The following IRGM variants were observed in gnomAD, a reference collection of about 807,000 sequenced individuals.
IRGM encodes the protein immunity related GTPase M.
For synonymous variants in IRGM, 98 were observed against 80.6 expected (o/e 1.22, Z -1.16); for missense variants, 288 against 219.9 (o/e 1.31, Z -1.96).
chr5:150,851,686 CA>C (rs1171994845), downstream of IRGM, among the ~76,000 whole-genome samples: 1 of 152,196 alleles, frequency 6.6e-6, no homozygotes, highest in Admixed American at 6.5e-5. Context: ...CGTGTCTTCA[CA>C]AAAGGGAAAG....
At chr5:150,853,269 A>G (rs1239405528), downstream of IRGM, among the ~76,000 whole-genome samples, 1 of 152,076 alleles carries the variant, frequency 6.6e-6, no homozygotes, top group South Asian at 2.1e-4. Flanking sequence ...TTTCAGTTTT[A>G]TTGCATAGTA....
At chr5:150,896,204 T>A in intron 3 of IRGM, 1 of 1,613,648 alleles carries the variant, frequency 6.2e-7, no homozygotes, top group Non-Finnish European at 8.5e-7. Flanking sequence ...CAGTGTGAAC[T>A]CTCTGATGTA....
intron 3 of IRGM, chr5:150,895,410 C>A: frequency 6.4e-7 from 1 of 1,561,582 alleles, no homozygotes; most frequent in South Asian, 1.2e-5. Context: ...TAAGGCTTTT[C>A]TGTGGCCAGT....
At chr5:150,874,215 T>G (rs1043650984) in intron 1 of IRGM, among the ~76,000 whole-genome samples, 1 of 152,208 alleles carries the variant, frequency 6.6e-6, no homozygotes, top group Non-Finnish European at 1.5e-5. Flanking sequence ...TCTCCAGCTT[T>G]GTGTCATAAT....
In IRGM at chr5:150,860,174, C is replaced by T. The variant is rs905083464; in HGVS notation, c.158+11520C>T. On this transcript the variant is annotated intron_variant and NMD_transcript_variant, in intron 1 of 3. Transcript: ENST00000520549. ...GTAAATTTATACAATGGCAATTTAACGTCTCCTATAACATTTTTGTACCTT... is the reference window on the plus strand; with the variant it reads ...GTAAATTTATACAATGGCAATTTAATGTCTCCTATAACATTTTTGTACCTT... Among the ~76,000 whole-genome samples, 13 of 152,150 alleles carry T rather than the reference C, an allele frequency of 8.5e-5. 1 individual carries two copies. The highest frequency in any genetic ancestry group is 4.6e-4 in the Admixed American group (7 of 15,284).
chr5:150,867,744 T>C (rs1754227748), intron 1 of IRGM, among the ~76,000 whole-genome samples: 2 of 152,156 alleles, frequency 1.3e-5, no homozygotes, highest in South Asian at 2.1e-4. Flanking sequence ...ATGTTGAGCA[T>C]TTTTTAATGT....
intron 1 of IRGM, among the ~76,000 whole-genome samples, chr5:150,877,451 G>C (rs1754380992): frequency 6.6e-6 from 1 of 152,160 alleles, no homozygotes; most frequent in Non-Finnish European, 1.5e-5. Flanking sequence ...AAGTTCTTCA[G>C]CTTTGGTATT....
intron 3 of IRGM, among the ~76,000 whole-genome samples, chr5:150,893,139 T>C (rs994618776): frequency 1.3e-5 from 2 of 152,118 alleles, no homozygotes; most frequent in Admixed American, 6.6e-5. Flanking sequence ...ATGCAGTAAA[T>C]TTGTTTTTTC....
intron 3 of IRGM, among the ~76,000 whole-genome samples, chr5:150,890,842 C>T (rs1754598321): frequency 6.6e-6 from 1 of 151,966 alleles, no homozygotes; most frequent in Non-Finnish European, 1.5e-5. Context: ...AATGAGTCAC[C>T]TTACCTTTTA....
chr5:150,883,804 A>T (rs1754478554), intron 3 of IRGM, among the ~76,000 whole-genome samples: 1 of 152,030 alleles, frequency 6.6e-6, no homozygotes, highest in African/African-American at 2.4e-5. Flanking sequence ...TAAATTCTAC[A>T]AAGTATGTAA....
chr5:150,854,488 G>A (rs1288895568), intron 1 of IRGM, among the ~76,000 whole-genome samples: 1 of 152,088 alleles, frequency 6.6e-6, no homozygotes, highest in Non-Finnish European at 1.5e-5. Flanking sequence ...TGATTATAGT[G>A]GAGGACTAGT....
At chr5:150,893,564 G>A (rs1754653756) in intron 3 of IRGM, among the ~76,000 whole-genome samples, 1 of 152,012 alleles carries the variant, frequency 6.6e-6, no homozygotes, top group Non-Finnish European at 1.5e-5. Context: ...ACACTGTCAG[G>A]GCAACCATAG....
At chr5:150,888,474 A>G (rs1754557931) in intron 3 of IRGM, among the ~76,000 whole-genome samples, 1 of 152,116 alleles carries the variant, frequency 6.6e-6, no homozygotes, top group Non-Finnish European at 1.5e-5. Flanking sequence ...ATGGATCTAT[A>G]GAACTCTCCA....
chr5:150,901,698 T>C (rs924921867), downstream of IRGM, among the ~76,000 whole-genome samples: 4 of 152,090 alleles, frequency 2.6e-5, no homozygotes, highest in Non-Finnish European at 5.9e-5. Context: ...GCCCCAGTTA[T>C]GGTTTTAAGC....
intron 3 of IRGM, chr5:150,900,505 T>G (rs1561758214): frequency 6.6e-6 from 1 of 152,122 alleles, no homozygotes; most frequent in Non-Finnish European, 1.5e-5. Context: ...ACAGAACTTT[T>G]ATGTGTTAAT....
chr5:150,898,796 G>A (rs1340014348), intron 3 of IRGM, among the ~76,000 whole-genome samples: 1 of 151,980 alleles, frequency 6.6e-6, no homozygotes, highest in Non-Finnish European at 1.5e-5. Context: ...TAACTGGGAG[G>A]AAGATGGATT....
At chr5:150,882,349 A>T (rs1400806210) in intron 3 of IRGM, among the ~76,000 whole-genome samples, 1 of 152,200 alleles carries the variant, frequency 6.6e-6, no homozygotes, top group African/African-American at 2.4e-5. Context: ...TAATAATAAA[A>T]TGATAGTACT....
At chr5:150,848,883 A>G (rs1045907969), downstream of IRGM, among the ~76,000 whole-genome samples, 2 of 152,104 alleles carry the variant, frequency 1.3e-5, no homozygotes, top group Non-Finnish European at 2.9e-5. Context: ...CTTTCCCTTC[A>G]CGGAACTCTC....
intron 3 of IRGM, chr5:150,896,192 C>T: frequency 1.9e-6 from 3 of 1,613,352 alleles, no homozygotes; most frequent in South Asian, 1.1e-5. Context: ...AGGGTTTTTC[C>T]CCAGTGTGAA....
Sources: allele counts gnomAD v4.1 joint callset (sites outside exome capture counted in the v4.1 genomes callset), GRCh38; gene constraint gnomAD v4.1.1; transcripts MANE v1.5; gene names NCBI Gene and HGNC (gene_info 2026-07-23, HGNC 2026-07-21).